PLA2R1: variants seen among roughly 807,000 people sequenced by gnomAD.
PLA2R1 encodes secretory phospholipase A2 receptor.
In PLA2R1, 158 loss-of-function variants were observed where a neutral mutation model predicts 195.9. The ratio of observed to expected loss-of-function variants is 0.81; its 90% CI spans 0.71 to 0.92. The LOEUF is 0.92. Ranked by LOEUF, PLA2R1 falls within the 40% of genes least tolerant of loss-of-function variation. The probability of loss-of-function intolerance (pLI) is 0.00; values close to 1 mark genes in which losing one functional copy is unlikely to be tolerated. For missense variants in PLA2R1, 1,626 were observed against 1,764.6 expected, an observed-to-expected ratio of 0.92 and a Z score of 1.41; for synonymous variants, 586 against 598.2, an observed-to-expected ratio of 0.98 and a Z score of 0.30.
chr2:160,033,287 A>G (rs1004917794), intron 3 of PLA2R1, among the ~76,000 whole-genome samples, 155 bp from the exon 4 acceptor site: 1 of 152,234 alleles, frequency 6.6e-6, no homozygotes, highest in Non-Finnish European at 1.5e-5. Flanking sequence ...TAAAATCTGC[A>G]TTGTTATTCC....
chr2:159,966,053 T>C (rs938572577), intron 20 of PLA2R1, among the ~76,000 whole-genome samples: 1 of 152,182 alleles, frequency 6.6e-6, no homozygotes, highest in Non-Finnish European at 1.5e-5. Flanking sequence ...TTCTCATATG[T>C]AAAATGAGGA....
intron 13 of PLA2R1, 98 bp from the exon 14 acceptor site, chr2:159,980,012 G>GT: frequency 1.6e-6 from 1 of 619,882 alleles, no homozygotes. Flanking sequence ...GTATACACAT[G>GT]TAACTAACCT....
intron 11 of PLA2R1, among the ~76,000 whole-genome samples, chr2:159,988,391 A>C (rs899266800): frequency 1.3e-5 from 2 of 152,240 alleles, no homozygotes; most frequent in African/African-American, 4.8e-5. Context: ...AAGCAAACCA[A>C]AAACCAATTC....
At chr2:159,929,868 G>GTATA (rs201374077), downstream of PLA2R1, among the ~76,000 whole-genome samples, 5,083 of 120,136 alleles carry the variant, frequency 0.042, 259 homozygotes, top group African/African-American at 0.13. Flanking sequence ...GTGTGTGTGT[G>GTATA]TGTGTATATA....
intron 20 of PLA2R1, among the ~76,000 whole-genome samples, chr2:159,964,523 C>A (rs1688658117): frequency 6.6e-6 from 1 of 151,908 alleles, no homozygotes; most frequent in Admixed American, 6.6e-5. Flanking sequence ...ATAATTTATA[C>A]CTGGTAGAAA....
At chr2:160,003,178 A>T (rs1300243034) in intron 11 of PLA2R1, among the ~76,000 whole-genome samples, 1 of 152,150 alleles carries the variant, frequency 6.6e-6, no homozygotes, top group African/African-American at 2.4e-5. Flanking sequence ...ATCTCCTAGA[A>T]CATACTTTTA....
intron 7 of PLA2R1, 136 bp from the exon 8 acceptor site, chr2:160,020,399 G>A (rs2105465492): frequency 4.8e-6 from 3 of 627,910 alleles, no homozygotes; most frequent in East Asian, 2.8e-5. Flanking sequence ...ATCTGTTTAA[G>A]TCTTGGTATA....
chr2:160,011,143 A>G (rs925944313), intron 10 of PLA2R1, among the ~76,000 whole-genome samples: 2 of 152,248 alleles, frequency 1.3e-5, no homozygotes, highest in Non-Finnish European at 2.9e-5. Flanking sequence ...GTTTTGGGGA[A>G]AATGAAACAG....
At position 159,935,559 on chromosome 2, in the gene PLA2R1, A is replaced by C. The variant is rs1488815013; in HGVS notation, c.*6219T>G. Reference sequence around the variant, plus strand: ...TATTGTTTGCTCAAATTGTTCCAGCATTTCCACTGGAGAGCTCCTTCAGGT... The same window carrying C: ...TATTGTTTGCTCAAATTGTTCCAGCCTTTCCACTGGAGAGCTCCTTCAGGT... On this transcript the variant is annotated 3_prime_UTR_variant, in exon 30 of 30. Transcript: ENST00000283243. 6.6e-6 allele frequency: 1 copy of C among 152,170 alleles called. No homozygotes were observed. Among genetic ancestry groups the C allele is most frequent in the Non-Finnish European group, 1.5e-5 (1 of 68,022 alleles). 9.4% of individuals were successfully genotyped at this position (152,170 alleles called of 1,614,324 possible). A position where few individuals can be genotyped will look rare whatever the true frequency, so the allele number is the denominator to read the frequency against.
chr2:160,005,538 G>T, intron 11 of PLA2R1, 114 bp downstream of exon 11: 3 of 753,208 alleles, frequency 4.0e-6, no homozygotes, highest in Non-Finnish European at 4.4e-6. Context: ...CCTTGTAATT[G>T]ATTTAGGCAT....
At chr2:160,044,224 T>C (rs1694723868) in intron 2 of PLA2R1, among the ~76,000 whole-genome samples, 2 of 152,066 alleles carry the variant, frequency 1.3e-5, no homozygotes, top group South Asian at 4.1e-4. Context: ...CCACCAACCA[T>C]GCTTGGCACA....
chr2:160,021,319 T>G (rs755435703), intron 7 of PLA2R1, among the ~76,000 whole-genome samples: 1 of 152,158 alleles, frequency 6.6e-6, no homozygotes, highest in Non-Finnish European at 1.5e-5. Flanking sequence ...AAAAGACACC[T>G]GTACTCATAT....
chr2:159,999,347 A>ATTTTTC lies in PLA2R1; in HGVS notation c.1834+6304_1834+6305insGAAAAA, dbSNP rs1691438848. 2.8e-4 allele frequency among the ~76,000 whole-genome samples: 2 copies of ATTTTTC among 7,250 alleles called. 1 individual carries two copies. The highest frequency in any genetic ancestry group is 2.3e-3 in the African/African-American group (2 of 868). The allele number at this position is 7,250 out of a possible 152,430, so 4.8% of individuals were successfully genotyped here. ...AACATGAAGGCATGCACATTACGTA[A>ATTTTTC]TTTTTTTTTTTTTTTTTTTTTTTTT... On this transcript the variant is annotated intron_variant, in intron 11 of 29. Coordinates refer to ENST00000283243, the MANE Select transcript of PLA2R1 (RefSeq NM_007366.5).
intron 11 of PLA2R1, 73 bp downstream of exon 11, chr2:160,005,579 G>T: frequency 1.6e-6 from 2 of 1,272,402 alleles, no homozygotes; most frequent in Non-Finnish European, 2.2e-6. Context: ...ATCAAAGGAG[G>T]TGGGCCAAGG....
At chr2:160,029,066 T>C (rs1573930613) in intron 4 of PLA2R1, 103 bp from the exon 5 acceptor site, 1 of 695,746 alleles carries the variant, frequency 1.4e-6, no homozygotes, top group South Asian at 1.7e-5. Context: ...TTCCAGTCAA[T>C]GACGGGAAAG....
At chr2:159,944,539 T>C (rs1687264960) in intron 28 of PLA2R1, among the ~76,000 whole-genome samples, 1 of 152,222 alleles carries the variant, frequency 6.6e-6, no homozygotes, top group Non-Finnish European at 1.5e-5. Context: ...CTAGATTATA[T>C]TTCCTGAGGC....
intron 15 of PLA2R1, 118 bp downstream of exon 15, chr2:159,977,156 TGCTAAAGTAG>T: frequency 1.5e-6 from 1 of 687,126 alleles, no homozygotes; most frequent in Non-Finnish European, 2.4e-6. Context: ...AAACATTTTT[TGCTAAAGTAG>T]TGTAATTTAT....
At chr2:159,924,517 G>A in the PLA2R1 span, among the ~76,000 whole-genome samples, 1 of 152,176 alleles carries the variant, frequency 6.6e-6, no homozygotes, top group Non-Finnish European at 1.5e-5. Context: ...GGTGTTCAAA[G>A]ATGAAAGCAG....
rs1336535527 is a variant in PLA2R1, at chr2:160,044,773, C to T, written c.493+1G>A. On this transcript the variant is annotated splice_donor_variant, in intron 2 of 29. Transcript: ENST00000283243. LOFTEE classifies it high-confidence loss of function. ...TGAGTGCTTCTTTAAATTATTTTTA[C>T]CTTTGTGTAGATATTCACAAATGTC... is the stretch of plus-strand genomic sequence containing the variant. The T allele has an allele frequency of 3.7e-6, 6 of 1,605,398 alleles. No individual in the cohort carries two copies. Among genetic ancestry groups the T allele is most frequent in the East Asian group, 2.2e-5 (1 of 44,708 alleles).
Sources: allele counts gnomAD v4.1 joint callset (sites outside exome capture counted in the v4.1 genomes callset), GRCh38; gene constraint gnomAD v4.1.1; transcripts MANE v1.5; gene names NCBI Gene and HGNC (gene_info 2026-07-23, HGNC 2026-07-21).